DOCK2: variants seen among roughly 807,000 people sequenced by gnomAD.
The protein encoded by DOCK2 is dedicator of cytokinesis protein 2.
In DOCK2, 87 loss-of-function variants were observed where a neutral mutation model predicts 248.9. That is an observed-to-expected ratio of 0.35 (90% CI 0.29 to 0.42). DOCK2 has a LOEUF of 0.42. Ranked by LOEUF, DOCK2 falls within the 10% of genes least tolerant of loss-of-function variation. The pLI, the probability that DOCK2 is intolerant of heterozygous loss-of-function variation, is 1.00. For synonymous variants in DOCK2, 805 were observed against 821.6 expected (o/e 0.98, Z 0.35); for missense variants, 1,747 against 2,300.2 (o/e 0.76, Z 4.92).
At chr5:169,864,171 C>G (rs923344913) in intron 27 of DOCK2, 1 of 1,079,348 alleles carries the variant, frequency 9.3e-7, no homozygotes, top group Non-Finnish European at 1.4e-6. Flanking sequence ...GGCTCACAGC[C>G]CAGGGCCTTT....
intron 6 of DOCK2, among the ~76,000 whole-genome samples, chr5:169,674,809 A>G (rs753577461): frequency 1.3e-5 from 2 of 152,212 alleles, no homozygotes; most frequent in Non-Finnish European, 2.9e-5. Context: ...GTGAGACTTA[A>G]TGTCTCTTCC....
At chr5:169,718,964 G>C (rs945138422) in intron 22 of DOCK2, among the ~76,000 whole-genome samples, 173 bp downstream of exon 22, 3 of 152,146 alleles carry the variant, frequency 2.0e-5, no homozygotes, top group African/African-American at 7.2e-5. Context: ...TACCCTCTAA[G>C]TTCATTTGGG....
chr5:169,925,646 T>C (rs1775407575), intron 27 of DOCK2, among the ~76,000 whole-genome samples: 1 of 149,792 alleles, frequency 6.7e-6, no homozygotes, highest in South Asian at 2.1e-4. Flanking sequence ...CTGCCATTGA[T>C]TGGTTGTGTG....
intron 26 of DOCK2, among the ~76,000 whole-genome samples, chr5:169,822,982 C>A (rs997609574): frequency 1.2e-4 from 18 of 152,216 alleles, no homozygotes; most frequent in Admixed American, 1.2e-3. Flanking sequence ...TCAGAGAATA[C>A]TATAACCACC....
At chr5:170,029,891 C>T (rs937268954) in intron 34 of DOCK2, among the ~76,000 whole-genome samples, 1 of 152,222 alleles carries the variant, frequency 6.6e-6, no homozygotes, top group Non-Finnish European at 1.5e-5. Context: ...GGATGGCGCC[C>T]CAGGCAGTGC....
At chr5:169,972,542 C>CAGATAGAT (rs143089504) in intron 27 of DOCK2, among the ~76,000 whole-genome samples, 1,463 of 141,364 alleles carry the variant, frequency 0.01, 16 homozygotes, top group Middle Eastern at 0.018. Flanking sequence ...CACTGTGAGA[C>CAGATAGAT]AGATAGATAG....
rs1472432748 is a variant in DOCK2, at chr5:169,749,323, A to T, written c.2376+1819A>T. Among the ~76,000 whole-genome samples the T allele has an allele frequency of 2.6e-5, 4 of 152,316 alleles. No homozygotes were observed. The East Asian group carries it at 7.7e-4, about 29-fold the overall frequency. On this transcript the variant is annotated intron_variant, in intron 23 of 51. Transcript: ENST00000520908. ...CCAGCATAATCTGGCCCAAATCACAAGGAAAACAAGGCATTTCTAACACAG... is the reference window on the plus strand; with the variant it reads ...CCAGCATAATCTGGCCCAAATCACATGGAAAACAAGGCATTTCTAACACAG...
intron 23 of DOCK2, among the ~76,000 whole-genome samples, chr5:169,753,619 C>T (rs1189134027): frequency 6.6e-6 from 1 of 152,148 alleles, no homozygotes; most frequent in African/African-American, 2.4e-5. Flanking sequence ...TTAATCACCA[C>T]CAAACAATAG....
intron 1 of DOCK2, among the ~76,000 whole-genome samples, chr5:169,640,087 T>C (rs1213034099): frequency 1.3e-5 from 2 of 152,344 alleles, no homozygotes; most frequent in East Asian, 1.9e-4. Flanking sequence ...ACCGGTCATA[T>C]TGGATTAGCA....
chr5:169,923,493 AC>A (rs1775284994), intron 27 of DOCK2, among the ~76,000 whole-genome samples: 1 of 152,076 alleles, frequency 6.6e-6, no homozygotes, highest in Non-Finnish European at 1.5e-5. Context: ...GCACACACAC[AC>A]ACACACACAC....
At chr5:170,011,527 A>G (rs1393018388) in intron 32 of DOCK2, among the ~76,000 whole-genome samples, 1 of 152,146 alleles carries the variant, frequency 6.6e-6, no homozygotes, top group Non-Finnish European at 1.5e-5. Flanking sequence ...TAATCAGAGA[A>G]GGTATTTATT....
At chr5:170,052,750 A>G (rs1323238026) in intron 41 of DOCK2, among the ~76,000 whole-genome samples, 1 of 152,228 alleles carries the variant, frequency 6.6e-6, no homozygotes, top group Non-Finnish European at 1.5e-5. Context: ...TTTACCATGT[A>G]CTAGGCATTT....
At chr5:170,002,151 G>T (rs1359002599) in intron 30 of DOCK2, among the ~76,000 whole-genome samples, 1 of 151,808 alleles carries the variant, frequency 6.6e-6, no homozygotes, top group Non-Finnish European at 1.5e-5. Context: ...TAGAAATTCC[G>T]GTTCTAGGAA....
intron 20 of DOCK2, among the ~76,000 whole-genome samples, chr5:169,716,511 G>A (rs1385470770): frequency 1.3e-5 from 2 of 152,210 alleles, no homozygotes; most frequent in Admixed American, 1.3e-4. Flanking sequence ...GGCATTGTGG[G>A]TGAAAGGGGA....
Position 170,078,969 on chromosome 5 carries a change from T to C in DOCK2, c.4995-6T>C. 6.2e-7 allele frequency: 1 copy of C among 1,613,660 alleles called. No individual in the cohort carries two copies. Among genetic ancestry groups the C allele is most frequent in the Admixed American group, 1.7e-5 (1 of 60,016 alleles). Reference sequence around the variant, plus strand: ...AGTTTCTATTGCTGCCCCTCTGGCCTTTCAGCTTTGACCTGGAATTAGCAT... The same window carrying C: ...AGTTTCTATTGCTGCCCCTCTGGCCCTTCAGCTTTGACCTGGAATTAGCAT... On this transcript the variant is annotated splice_region_variant and splice_polypyrimidine_tract_variant and intron_variant, in intron 48 of 51. Transcript: ENST00000520908.
At chr5:169,854,188 AT>A (rs149299629) in intron 27 of DOCK2, among the ~76,000 whole-genome samples, 18,771 of 136,172 alleles carry the variant, frequency 0.14, 1,232 homozygotes, top group South Asian at 0.2. Context: ...TTACTGAAAC[AT>A]TTTTTTTTTT....
intron 32 of DOCK2, among the ~76,000 whole-genome samples, chr5:170,011,536 T>C (rs982664772): frequency 6.6e-6 from 1 of 152,170 alleles, no homozygotes; most frequent in Non-Finnish European, 1.5e-5. Flanking sequence ...AAGGTATTTA[T>C]TAGAAGGGCA....
chr5:169,978,342 T>A (rs1278404910), intron 27 of DOCK2, among the ~76,000 whole-genome samples: 1 of 127,678 alleles, frequency 7.8e-6, no homozygotes, highest in Non-Finnish European at 1.6e-5. Flanking sequence ...TTCCCTCAGT[T>A]CACATGGCAC....
chr5:169,695,670 T>C (rs1184972161), intron 9 of DOCK2, 133 bp from the exon 10 acceptor site: 2 of 1,279,590 alleles, frequency 1.6e-6, no homozygotes, highest in African/African-American at 3.1e-5. Flanking sequence ...TTTCCAGGAC[T>C]TATTGTATGA....
Sources: gnomAD v4.1 joint callset for allele counts (sites outside exome capture counted in the v4.1 genomes callset) on GRCh38, gnomAD v4.1.1 for gene constraint, MANE v1.5 for transcripts, NCBI Gene and HGNC (gene_info 2026-07-23, HGNC 2026-07-21) for gene names.